ACVR2B: variants seen among roughly 807,000 people sequenced by gnomAD.
ACVR2B encodes activin receptor type-2B.
Under a neutral mutation model 65.1 loss-of-function variants are expected in ACVR2B, and 18 were observed. The ratio of observed to expected loss-of-function variants is 0.28; its 90% confidence interval spans 0.19 to 0.41. ACVR2B has a LOEUF of 0.41. ACVR2B is among the 10% of genes least tolerant of loss of function. The pLI, the probability that ACVR2B is intolerant of heterozygous loss-of-function variation, is 1.00. For synonymous variants in ACVR2B, 298 were observed against 277.7 expected (o/e 1.07, Z -0.73); for missense variants, 482 against 682.7 (o/e 0.71, Z 3.28).
rs1559662858 is a variant in ACVR2B at position 38,492,773 on chromosome 3, C to CCTA, written c.*9441_*9442insCTA. 4 of 118,602 alleles carry CCTA rather than the reference C, an allele frequency of 3.4e-5. No individual in the cohort carries two copies. Among genetic ancestry groups the CCTA allele is most frequent in the Admixed American group, 1.6e-4 (2 of 12,246 alleles). The allele number at this position is 118,602 out of a possible 1,614,324, so 7.3% of individuals were successfully genotyped here. On this transcript the variant is annotated 3_prime_UTR_variant, in exon 11 of 11. Transcript: ENST00000352511. ...ACACACACACACACACACACACACA[C>CCTA]ACACACACACACACACACACACACA...
intron 1 of ACVR2B, among the ~76,000 whole-genome samples, chr3:38,467,316 G>A (rs536363033): frequency 3.9e-5 from 6 of 152,190 alleles, no homozygotes; most frequent in Admixed American, 2.0e-4. Flanking sequence ...GCATGGTGGC[G>A]CATGCCTGTA....
intron 1 of ACVR2B, among the ~76,000 whole-genome samples, chr3:38,472,175 C>G (rs147673818): frequency 6.6e-6 from 1 of 152,186 alleles, no homozygotes; most frequent in African/African-American, 2.4e-5. Context: ...TCTCTACACC[C>G]CAGCTGCCCT....
rs1710141275 is a variant in ACVR2B at position 38,487,363 on chromosome 3, G to T, written c.*4031G>T. 6.6e-6 allele frequency: 1 copy of T among 152,222 alleles called. No individual in the cohort carries two copies. The highest frequency in any genetic ancestry group is 2.1e-4 in the South Asian group (1 of 4,834). The allele number at this position is 152,222 out of a possible 1,614,324, so 9.4% of individuals were successfully genotyped here. A position where few individuals can be genotyped will look rare whatever the true frequency, so the allele number is the denominator to read the frequency against. ...AGGCCACAGAGATAGTTCTTCCATTGCCCTAAGAGGCTAGGCTAACCCTCT... is the reference window on the plus strand; with the variant it reads ...AGGCCACAGAGATAGTTCTTCCATTTCCCTAAGAGGCTAGGCTAACCCTCT... On this transcript the variant is annotated 3_prime_UTR_variant, in exon 11 of 11. Coordinates refer to ENST00000352511, the MANE Select transcript of ACVR2B (RefSeq NM_001106.4).
Position 38,454,332 on chromosome 3 carries a change from C to T in ACVR2B, c.10C>T (p.Pro4Ser), listed in dbSNP as rs2125710304. MTAPWVALALLWGS... is the reference protein window; with the variant it reads MTASWVALALLWGS... ...GGCGGCGCCGCGGAACATGACGGCGCCCTGGGTGGCCCTCGCCCTCCTCTG... is the reference window on the plus strand; with the variant it reads ...GGCGGCGCCGCGGAACATGACGGCGTCCTGGGTGGCCCTCGCCCTCCTCTG... The change falls in exon 1 of 11, where the codon CCC becomes TCC. Residue 4 changes from proline to serine, a missense_variant. Transcript: ENST00000352511. The T allele has an allele frequency of 7.7e-7, 1 of 1,299,416 alleles. No individual in the cohort carries two copies. Among genetic ancestry groups the T allele is most frequent in the Non-Finnish European group, 9.8e-7 (1 of 1,023,888 alleles). The allele number at this position is 1,299,416 out of a possible 1,614,324, so 80.5% of individuals were successfully genotyped here.
At position 38,478,390 on chromosome 3, in the gene ACVR2B, C is replaced by A. The variant is rs779631588; in HGVS notation, c.538C>A (p.Pro180Thr). The A allele has an allele frequency of 1.2e-6, 2 of 1,614,140 alleles. No individual in the cohort carries two copies. The highest frequency in any genetic ancestry group is 1.6e-4 in the Middle Eastern group (1 of 6,062). ...TCTCCCCCAGGACCCTGGGCCTCCA[C>A]CACCATCCCCTCTGGTGGGCCTGAA... ...VDIHEDPGPP[P>T]PSPLVGLKPL... The change falls in exon 5 of 11, where the codon CCA (proline) becomes ACA (threonine). Residue 180 changes from proline to threonine, a missense_variant. Physicochemically the swap from Pro to Thr is conservative, Grantham distance 38. Around this residue, in one of 5 missense-constraint regions of ACVR2B, gnomAD observed 95 missense variants for 91.6 expected, o/e 1.04. Coordinates refer to ENST00000352511, the MANE Select transcript of ACVR2B (RefSeq NM_001106.4).
At position 38,483,151 on chromosome 3, in the gene ACVR2B, T is replaced by G; in HGVS notation, c.1358T>G (p.Leu453Arg). ...TATGCTGCTTAGGGCCTGGCCCAGC[T>G]TTGTGTGACCATCGAGGAGTGCTGG... ...HWLKHPGLAQ[L>R]CVTIEECWDH... Residue 453 changes from leucine (L) to arginine (R), a missense_variant, in exon 11 of 11, where the codon CTT becomes CGT. Leu to Arg is a moderately radical substitution (Grantham distance 102, BLOSUM62 -2). Transcript: ENST00000352511. The surrounding 1 kb of genome is among the most constrained non-coding windows in gnomAD (Gnocchi z 4.8). The G allele has an allele frequency of 6.2e-7, 1 of 1,614,192 alleles. No homozygotes were observed. The highest frequency in any genetic ancestry group is 8.5e-7 in the Non-Finnish European group (1 of 1,180,032).
chr3:38,493,132 TAATA>T lies in ACVR2B; in HGVS notation c.*9803_*9806del, dbSNP rs1412737106. 6.6e-6 allele frequency: 1 copy of T among 152,614 alleles called. No individual in the cohort carries two copies. Among genetic ancestry groups the T allele is most frequent in the Non-Finnish European group, 1.5e-5 (1 of 68,022 alleles). The allele number at this position is 152,614 out of a possible 1,614,324, so 9.5% of individuals were successfully genotyped here. On this transcript the variant is annotated 3_prime_UTR_variant, in exon 11 of 11. Transcript: ENST00000352511. ...CTTTTTGTATATGAAAATAAAATAA[TAATA>T]AAACAATCTTGTCTTTCTTAATTAC...
At chr3:38,454,882 G>C (rs1444421883) in intron 1 of ACVR2B, 1 of 152,452 alleles carries the variant, frequency 6.6e-6, no homozygotes, top group Admixed American at 6.5e-5. Flanking sequence ...ACCAGTCTGC[G>C]TCGCGTTACC....
intron 1 of ACVR2B, chr3:38,474,252 A>G (rs1709869359): frequency 6.6e-6 from 1 of 152,354 alleles, no homozygotes; most frequent in Admixed American, 6.5e-5. Flanking sequence ...GGTACTGCCC[A>G]TGGTAGTGGC....
In ACVR2B at chr3:38,486,161, C is replaced by T. The variant is rs928732976; in HGVS notation, c.*2829C>T. 2 of 152,298 alleles carry T rather than the reference C, an allele frequency of 1.3e-5. No individual in the cohort carries two copies. Among genetic ancestry groups the T allele is most frequent in the African/African-American group, 4.8e-5 (2 of 41,454 alleles). The allele number at this position is 152,298 out of a possible 1,614,324, so 9.4% of individuals were successfully genotyped here. A position where few individuals can be genotyped will look rare whatever the true frequency, so the allele number is the denominator to read the frequency against. ...TGGGTGGCCTCCCCGTTAGGCCCAC[C>T]GTACGCTCAGCCACTATAGTGTCCC... is the stretch of plus-strand genomic sequence containing the variant. On this transcript the variant is annotated 3_prime_UTR_variant, in exon 11 of 11. Transcript: ENST00000352511.
At chr3:38,464,496 T>C (rs994193263) in intron 1 of ACVR2B, among the ~76,000 whole-genome samples, 21 of 152,342 alleles carry the variant, frequency 1.4e-4, no homozygotes, top group African/African-American at 4.8e-4. Context: ...GTTGAAGGCA[T>C]TGTATATCTA....
intron 1 of ACVR2B, among the ~76,000 whole-genome samples, chr3:38,462,710 C>T (rs902105367): frequency 1.3e-5 from 2 of 152,116 alleles, no homozygotes; most frequent in Admixed American, 6.5e-5. Flanking sequence ...TAAATATAGA[C>T]TACATTTTAC....
chr3:38,477,931 G>C lies in ACVR2B; in HGVS notation c.331G>C (p.Glu111Gln), dbSNP rs770339569. 1.2e-6 allele frequency: 2 copies of C among 1,614,068 alleles called. No homozygotes were observed. Among genetic ancestry groups the C allele is most frequent in the African/African-American group, 2.7e-5 (2 of 75,012 alleles). ...FCCCEGNFCN[E>Q]RFTHLPEAGG... ...CTGCTGTGAAGGCAACTTCTGCAACGAACGCTTCACTCATTTGCCAGAGGC... is the reference window on the plus strand; with the variant it reads ...CTGCTGTGAAGGCAACTTCTGCAACCAACGCTTCACTCATTTGCCAGAGGC... Residue 111 changes from glutamate (E) to glutamine (Q), a missense_variant, in exon 3 of 11, where the codon GAA (glutamate) becomes CAA (glutamine). Around this residue, in one of 5 missense-constraint regions of ACVR2B, gnomAD observed 85 missense variants for 137.3 expected, o/e 0.62. Coordinates refer to ENST00000352511, the MANE Select transcript of ACVR2B (RefSeq NM_001106.4). This position sits in a 1 kb window ranked among gnomAD's most constrained non-coding sequence, Gnocchi z 6.7.
chr3:38,479,553 G>A (rs1709979941), intron 6 of ACVR2B, 125 bp from the exon 7 acceptor site: 4 of 1,228,852 alleles, frequency 3.3e-6, no homozygotes, highest in African/African-American at 2.9e-5. Flanking sequence ...CTTCCATATC[G>A]ATTGTAGTAG....
chr3:38,463,941 T>C (rs1340146043), intron 1 of ACVR2B, among the ~76,000 whole-genome samples: 4 of 152,238 alleles, frequency 2.6e-5, no homozygotes, highest in African/African-American at 9.6e-5. Flanking sequence ...TTTTGCTGTG[T>C]GTATCCACTC....
chr3:38,456,031 C>T (rs1559643843), intron 1 of ACVR2B, among the ~76,000 whole-genome samples: 1 of 152,156 alleles, frequency 6.6e-6, no homozygotes, highest in Non-Finnish European at 1.5e-5. Context: ...CAGTCTCACA[C>T]CTCCCTCCTT....
chr3:38,471,293 C>G (rs1709813204), intron 1 of ACVR2B, among the ~76,000 whole-genome samples: 1 of 152,094 alleles, frequency 6.6e-6, no homozygotes, highest in African/African-American at 2.4e-5. Context: ...TGTTAGTAAT[C>G]ACAAGAAGAT....
In ACVR2B at chr3:38,478,513, C is replaced by T; in HGVS notation, c.661C>T (p.Leu221Phe). The change falls in exon 5 of 11, where the codon CTC becomes TTC. Residue 221 changes from leucine to phenylalanine, a missense_variant. Coordinates refer to ENST00000352511, the MANE Select transcript of ACVR2B (RefSeq NM_001106.4). ...CTTTGTAGCTGTCAAGATCTTCCCA[C>T]TCCAGGTGAGTGTTTGAGGGGCTCC... Reference protein sequence around the residue: ...NDFVAVKIFPLQDKQSWQSER... With the variant: ...NDFVAVKIFPFQDKQSWQSER... The T allele has an allele frequency of 1.2e-6, 2 of 1,614,166 alleles. No homozygotes were observed. Among genetic ancestry groups the T allele is most frequent in the South Asian group, 1.1e-5 (1 of 91,076 alleles).
chr3:38,455,619 AGGGTAGTAGCGCGCGC>A (rs1307275399), intron 1 of ACVR2B, among the ~76,000 whole-genome samples: 6 of 151,952 alleles, frequency 3.9e-5, no homozygotes, highest in Non-Finnish European at 8.8e-5. Context: ...TGAGTTCTGT[AGGGTAGTAGCGCGCGC>A]GCGCGCAGCC....
Sources: gnomAD v4.1 joint callset for allele counts (sites outside exome capture counted in the v4.1 genomes callset) on GRCh38, gnomAD v4.1.1 for gene constraint, gnomAD v4.1.1 regional missense constraint, Gnocchi (gnomAD v3.1) non-coding constraint, MANE v1.5 for transcripts, NCBI Gene and HGNC (gene_info 2026-07-23, HGNC 2026-07-21) for gene names.